The following AGBL1 variants were observed in gnomAD, a reference collection of about 807,000 sequenced individuals.
The protein encoded by AGBL1 is AGBL carboxypeptidase 1.
In AGBL1, 130 loss-of-function variants were observed where a neutral mutation model predicts 118.9. The observed-to-expected ratio is 1.09, with a 90% CI of 0.95 to 1.26. The LOEUF is 1.26. AGBL1 is among the 50% of genes most tolerant of loss of function. The pLI is 0.00. For missense variants in AGBL1, 1,584 were observed against 1,298.1 expected (o/e 1.22, Z -3.38); for synonymous variants, 555 against 478.9 (o/e 1.16, Z -2.08).
intron 22 of AGBL1, among the ~76,000 whole-genome samples, chr15:86,796,579 G>T (rs1465921417): frequency 6.6e-6 from 1 of 152,154 alleles, no homozygotes; most frequent in Non-Finnish European, 1.5e-5. Context: ...AGTCATTCTT[G>T]CTCATACCAG....
intron 23 of AGBL1, among the ~76,000 whole-genome samples, chr15:86,940,696 A>G (rs571052047): frequency 6.6e-6 from 1 of 152,324 alleles, no homozygotes; most frequent in South Asian, 2.1e-4. Context: ...CTGGAGGGAG[A>G]GATAGGCAAA....
chr15:86,374,593 G>T (rs973575340), intron 17 of AGBL1, among the ~76,000 whole-genome samples: 5 of 152,184 alleles, frequency 3.3e-5, no homozygotes, highest in Admixed American at 2.0e-4. Flanking sequence ...GAGCTAGGTT[G>T]TCTATCTAAA....
chr15:86,525,221 C>A (rs1307392008), intron 19 of AGBL1, among the ~76,000 whole-genome samples: 1 of 151,606 alleles, frequency 6.6e-6, no homozygotes, highest in African/African-American at 2.4e-5. Context: ...ACAAGAACCA[C>A]AAAACACTGA....
intron 18 of AGBL1, among the ~76,000 whole-genome samples, chr15:86,429,408 A>G (rs1327343467): frequency 6.6e-6 from 1 of 152,186 alleles, no homozygotes; most frequent in Non-Finnish European, 1.5e-5. Context: ...AAGAATAAGA[A>G]AGCTGTGATT....
At chr15:86,825,272 T>C (rs929722889) in intron 22 of AGBL1, among the ~76,000 whole-genome samples, 1 of 151,336 alleles carries the variant, frequency 6.6e-6, no homozygotes, top group Admixed American at 6.6e-5. Flanking sequence ...TTAGTCTTGA[T>C]ACCAAAAGCA....
intron 18 of AGBL1, among the ~76,000 whole-genome samples, chr15:86,438,657 CT>C (rs35937855): frequency 0.015 from 2,008 of 131,600 alleles, 30 homozygotes; most frequent in African/African-American, 0.047. Flanking sequence ...TAATCTGTCT[CT>C]TTTTTTTTTT....
intron 6 of AGBL1, among the ~76,000 whole-genome samples, chr15:86,229,140 A>T (rs934753333): frequency 2.0e-5 from 3 of 152,216 alleles, no homozygotes; most frequent in African/African-American, 7.2e-5. Context: ...TTATTATTGC[A>T]GGAAATTTTT....
intron 17 of AGBL1, among the ~76,000 whole-genome samples, chr15:86,315,815 G>A (rs75072357): frequency 0.011 from 1,675 of 151,904 alleles, 30 homozygotes; most frequent in African/African-American, 0.036. Flanking sequence ...TATTTCACAC[G>A]GGAATACTAT....
At chr15:86,202,162 G>C (rs919575211) in intron 5 of AGBL1, among the ~76,000 whole-genome samples, 1 of 152,104 alleles carries the variant, frequency 6.6e-6, no homozygotes, top group African/African-American at 2.4e-5. Flanking sequence ...GCATGGTGGT[G>C]TGCGCCTGTA....
At chr15:86,670,298 TGA>T (rs1325435181) in intron 21 of AGBL1, among the ~76,000 whole-genome samples, 2 of 151,980 alleles carry the variant, frequency 1.3e-5, no homozygotes, top group African/African-American at 4.8e-5. Flanking sequence ...GGGTCAGCAC[TGA>T]GTATTATAAG....
chr15:86,129,156 A>G (rs951691975), intron 1 of AGBL1, among the ~76,000 whole-genome samples: 1 of 152,240 alleles, frequency 6.6e-6, no homozygotes, highest in Non-Finnish European at 1.5e-5. Context: ...TTCTAGATCA[A>G]AGCCACACCC....
chr15:86,246,367 G>C (rs954726631), intron 6 of AGBL1, among the ~76,000 whole-genome samples: 1 of 152,198 alleles, frequency 6.6e-6, no homozygotes, highest in Non-Finnish European at 1.5e-5. Flanking sequence ...GCCTGGAGGT[G>C]GCAGGGAGCT....
intron 5 of AGBL1, among the ~76,000 whole-genome samples, chr15:86,204,468 C>G (rs187216003): frequency 2.6e-5 from 4 of 151,104 alleles, no homozygotes; most frequent in Admixed American, 2.6e-4. Flanking sequence ...TGATCCCTTC[C>G]CTTACCTTCC....
In AGBL1 at chr15:86,109,432, C is replaced by CT. The variant is rs1938355937; in HGVS notation, c.51+29415dup. On this transcript the variant is annotated intron_variant, in intron 1 of 22. Coordinates refer to ENST00000614907, the MANE Select transcript of AGBL1 (RefSeq NM_001386094.1). ...GACTTCCTGGCATTGCTTTATAATC[C>CT]TTTTTTCTCATATCTTTTCTGGCTG... 2.0e-5 allele frequency among the ~76,000 whole-genome samples: 3 copies of CT among 152,180 alleles called. 1 individual carries two copies. Among genetic ancestry groups the CT allele is most frequent in the Admixed American group, 1.3e-4 (2 of 15,280 alleles).
intron 21 of AGBL1, among the ~76,000 whole-genome samples, chr15:86,563,657 C>G (rs1024135175): frequency 6.6e-6 from 1 of 152,142 alleles, no homozygotes; most frequent in Non-Finnish European, 1.5e-5. Context: ...CCATTTGGTG[C>G]AGAACTGAGT....
intron 22 of AGBL1, among the ~76,000 whole-genome samples, chr15:86,794,526 G>A (rs1323415493): frequency 6.6e-6 from 1 of 152,104 alleles, no homozygotes. Context: ...TTAGATAGTG[G>A]CGGATAATTG....
At chr15:86,328,261 CTAACT>C (rs1318035084) in intron 17 of AGBL1, among the ~76,000 whole-genome samples, 1 of 151,998 alleles carries the variant, frequency 6.6e-6, no homozygotes, top group Non-Finnish European at 1.5e-5. Flanking sequence ...TCAAAATAAC[CTAACT>C]TAACAATTAT....
chr15:86,371,718 T>C (rs1270037095), intron 17 of AGBL1, among the ~76,000 whole-genome samples: 2 of 152,184 alleles, frequency 1.3e-5, no homozygotes, highest in African/African-American at 4.8e-5. Context: ...TGTGTTATCT[T>C]TCCCTTCATA....
Position 86,203,747 on chromosome 15 carries a change from C to T in AGBL1, c.489-21167C>T, listed in dbSNP as rs984938779. On this transcript the variant is annotated intron_variant, in intron 5 of 22. Transcript: ENST00000614907. ...CCCCTTGCCATTACCTCCATTGTTA[C>T]GGAGTTACTCATCTTCGTATTTCCA... Among the ~76,000 whole-genome samples the T allele has an allele frequency of 4.6e-5, 7 of 152,082 alleles. No individual in the cohort carries two copies. In the East Asian group the frequency reaches 5.8e-4, roughly 13 times the overall value.
Sources: gnomAD v4.1 joint callset for allele counts (sites outside exome capture counted in the v4.1 genomes callset) on GRCh38, gnomAD v4.1.1 for gene constraint, MANE v1.5 for transcripts, NCBI Gene and HGNC (gene_info 2026-07-23, HGNC 2026-07-21) for gene names.